The following BLTP2 variants were observed in gnomAD, a reference collection of about 807,000 sequenced individuals.
BLTP2 encodes the protein bridge-like lipid transfer protein family member 2, also known as U937-associated antigen.
chr17:28,638,784 A>G, the BLTP2 span: 2 of 612,224 alleles, frequency 3.3e-6, no homozygotes, highest in Non-Finnish European at 5.8e-6. Context: ...CTAGAAGATA[A>G]AAGGCTGAAC....
chr17:28,617,092 T>A, the BLTP2 span: 1 of 1,168,204 alleles, frequency 8.6e-7, no homozygotes, highest in African/African-American at 1.5e-5. Context: ...GGAGAAGCAA[T>A]GGTACTGCTA....
At chr17:28,638,536 A>G in the BLTP2 span, 1 of 1,610,126 alleles carries the variant, frequency 6.2e-7, no homozygotes, top group Non-Finnish European at 8.5e-7. Context: ...AGAGAGATAG[A>G]ATTGAATCCC....
At chr17:28,642,937 A>T in the BLTP2 span, 1 of 1,611,664 alleles carries the variant, frequency 6.2e-7, no homozygotes, top group East Asian at 2.2e-5. Context: ...ACTCAGAGGT[A>T]TCCACCTTGA....
chr17:28,640,947 A>AT, the BLTP2 span, among the ~76,000 whole-genome samples: 1 of 152,218 alleles, frequency 6.6e-6, no homozygotes, highest in Non-Finnish European at 1.5e-5. Flanking sequence ...TTTAAACATC[A>AT]TTTTTACTAC....
At chr17:28,623,666 A>G in the BLTP2 span, 13 of 1,009,778 alleles carry the variant, frequency 1.3e-5, no homozygotes, top group Admixed American at 1.9e-5. Context: ...CTGCTAAGCT[A>G]GTAACAGCAG....
the BLTP2 span, chr17:28,638,650 G>A: frequency 6.7e-7 from 1 of 1,486,978 alleles, no homozygotes; most frequent in Non-Finnish European, 9.3e-7. Flanking sequence ...GTTCTGCATA[G>A]GAACAAGACA....
chr17:28,635,672 G>A, the BLTP2 span: 17 of 1,504,166 alleles, frequency 1.1e-5, no homozygotes, highest in Non-Finnish European at 1.4e-5. Flanking sequence ...GAGATGGCAA[G>A]GATTATGACA....
the BLTP2 span, among the ~76,000 whole-genome samples, chr17:28,629,287 T>C: frequency 6.7e-6 from 1 of 148,674 alleles, no homozygotes; most frequent in Non-Finnish European, 1.5e-5. Flanking sequence ...CAGGCTGAAG[T>C]GCAGTGGTGT....
At chr17:28,643,533 T>C in the BLTP2 span, 1 of 1,471,338 alleles carries the variant, frequency 6.8e-7, no homozygotes, top group Admixed American at 1.7e-5. Flanking sequence ...GTGATGCCTC[T>C]GCAGAAGAGT....
chr17:28,640,435 A>G, the BLTP2 span: 7 of 996,010 alleles, frequency 7.0e-6, no homozygotes, highest in Non-Finnish European at 1.1e-5. Flanking sequence ...CACTACATGG[A>G]TGTAACCATT....
chr17:28,616,059 C>T, the BLTP2 span: 3 of 1,520,184 alleles, frequency 2.0e-6, no homozygotes, highest in Non-Finnish European at 2.7e-6. The surrounding 1 kb of genome is among the most constrained non-coding windows in gnomAD (Gnocchi z 4.8). Context: ...TGGTTCCCTT[C>T]CCACCCTGTT....
chr17:28,634,415 G>A, the BLTP2 span: 15 of 809,548 alleles, frequency 1.9e-5, no homozygotes, highest in Non-Finnish European at 2.2e-5. Context: ...CACCCAAAAC[G>A]GCACAGTTCC....
chr17:28,643,694 C>T, the BLTP2 span: 28 of 1,604,898 alleles, frequency 1.7e-5, no homozygotes, highest in African/African-American at 3.6e-4. Flanking sequence ...TGTGTGCTAG[C>T]TGCTAAATAA....
chr17:28,645,016 A>G, the BLTP2 span: 1 of 1,598,794 alleles, frequency 6.3e-7, no homozygotes, highest in African/African-American at 1.3e-5. Flanking sequence ...GCTAAGCGCA[A>G]CTAGCAGCAA....
At chr17:28,626,924 T>G in the BLTP2 span, among the ~76,000 whole-genome samples, 2 of 152,214 alleles carry the variant, frequency 1.3e-5, no homozygotes, top group African/African-American at 4.8e-5. Flanking sequence ...TTATAGCCAG[T>G]TGGTGAGAAG....
the BLTP2 span, among the ~76,000 whole-genome samples, chr17:28,619,168 C>T: frequency 6.6e-6 from 1 of 152,160 alleles, no homozygotes; most frequent in African/African-American, 2.4e-5. Flanking sequence ...CATCTTTCAG[C>T]TCTATAGCTT....
At chr17:28,635,178 C>G in the BLTP2 span, 55 of 1,613,850 alleles carry the variant, frequency 3.4e-5, no homozygotes, top group Non-Finnish European at 4.5e-5. Flanking sequence ...GGAAGGGGTT[C>G]CGGTGGAGGA....
At chr17:28,633,116 G>T in the BLTP2 span, 1 of 1,587,390 alleles carries the variant, frequency 6.3e-7, no homozygotes, top group South Asian at 1.1e-5. Context: ...TGCAGGTCCA[G>T]TGTCATGCAG....
the BLTP2 span, chr17:28,631,667 G>A: frequency 3.1e-6 from 5 of 1,614,026 alleles, no homozygotes; most frequent in Non-Finnish European, 4.2e-6. Context: ...ATAAGGCGCC[G>A]CATCACTGTG....
Sources: allele counts gnomAD v4.1 joint callset (sites outside exome capture counted in the v4.1 genomes callset), GRCh38; gene constraint gnomAD v4.1.1; non-coding constraint Gnocchi (gnomAD v3.1); transcripts MANE v1.5; gene names NCBI Gene and HGNC (gene_info 2026-07-23, HGNC 2026-07-21).